Variants in CNNM4 observed in about 807,000 individuals in gnomAD.
CNNM4 encodes the protein metal transporter CNNM4.
Under a neutral mutation model 53.7 loss-of-function variants are expected in CNNM4, and 32 were observed. That is an observed-to-expected ratio of 0.60 (90% CI 0.45 to 0.80). The LOEUF (loss-of-function observed/expected upper bound fraction) is 0.80, where lower values mean the gene tolerates loss of function less well. Ranked by LOEUF, CNNM4 falls within the 30% of genes least tolerant of loss-of-function variation. The pLI, the probability that CNNM4 is intolerant of heterozygous loss-of-function variation, is 0.00. For missense variants in CNNM4, 784 were observed against 1,022.0 expected, an observed-to-expected ratio of 0.77 and a Z score of 3.17; for synonymous variants, 410 against 440.0, an observed-to-expected ratio of 0.93 and a Z score of 0.85.
At chr2:96,764,399 C>G (rs1335597312) in intron 1 of CNNM4, among the ~76,000 whole-genome samples, 2 of 152,184 alleles carry the variant, frequency 1.3e-5, no homozygotes, top group African/African-American at 4.8e-5. Context: ...GAGGCCAAGC[C>G]CTGGAGCAGT....
At chr2:96,774,232 G>A (rs2078903969) in intron 1 of CNNM4, among the ~76,000 whole-genome samples, 1 of 152,124 alleles carries the variant, frequency 6.6e-6, no homozygotes, top group Admixed American at 6.6e-5. Flanking sequence ...GTCCTCTGCT[G>A]CCTCCCAGGT....
In CNNM4 at chr2:96,796,131, C is replaced by CTTTTTTTTTT. The variant is rs796494842; in HGVS notation, c.1403-859_1403-850dup. 1.8e-4 allele frequency among the ~76,000 whole-genome samples: 9 copies of CTTTTTTTTTT among 50,670 alleles called. 1 individual carries two copies. The highest frequency in any genetic ancestry group is 2.6e-4 in the Non-Finnish European group (7 of 26,558). 33.2% of individuals were successfully genotyped at this position (50,670 alleles called of 152,430 possible). On this transcript the variant is annotated intron_variant, in intron 1 of 6. Coordinates refer to ENST00000377075, the MANE Select transcript of CNNM4 (RefSeq NM_020184.4). ...CCTGATAAGTGATACCAGACAGGGTCTTTTTTTTTTTTTTTTTTTTTTTTT... is the reference window on the plus strand; with the variant it reads ...CCTGATAAGTGATACCAGACAGGGTCTTTTTTTTTTTTTTTTTTTTTTTTTTTTTTTTTTT...
chr2:96,799,361 C>G (rs2079137575), intron 4 of CNNM4, 135 bp downstream of exon 4: 2 of 1,319,516 alleles, frequency 1.5e-6, no homozygotes, highest in Admixed American at 3.6e-5. Flanking sequence ...TTGAGCCCCG[C>G]CTGCCCCACG....
Position 96,808,612 on chromosome 2 carries a change from A to T in CNNM4, c.2000A>T (p.Tyr667Phe). 1 of 1,613,868 alleles carries T rather than the reference A, an allele frequency of 6.2e-7. No individual in the cohort carries two copies. The highest frequency in any genetic ancestry group is 8.5e-7 in the Non-Finnish European group (1 of 1,179,956). ...TPLSRSASLSYPDRTDVSTAA... is the reference protein window; with the variant it reads ...TPLSRSASLSFPDRTDVSTAA... The stretch of plus-strand genomic sequence containing the variant: ...CTCAGCCGCTCAGCCTCCCTCAGTT[A>T]CCCAGACCGCACAGACGTCTCAACT... The change falls in exon 6 of 7, where the codon TAC becomes TTC. Residue 667 changes from tyrosine to phenylalanine, a missense_variant. Transcript: ENST00000377075. The surrounding 1 kb of genome is among the most constrained non-coding windows in gnomAD (Gnocchi z 4.9).
At chr2:96,805,197 T>C (rs988089761) in intron 5 of CNNM4, among the ~76,000 whole-genome samples, 1 of 152,000 alleles carries the variant, frequency 6.6e-6, no homozygotes, top group African/African-American at 2.4e-5. Context: ...ATACTTGCAC[T>C]TGATCCTCTA....
intron 5 of CNNM4, among the ~76,000 whole-genome samples, chr2:96,804,554 A>G (rs1231576377): frequency 6.6e-6 from 1 of 151,960 alleles, no homozygotes; most frequent in Non-Finnish European, 1.5e-5. Context: ...GGCATGCACC[A>G]CCACCCTTGG....
intron 1 of CNNM4, among the ~76,000 whole-genome samples, chr2:96,785,341 G>C (rs1323562112): frequency 1.3e-5 from 2 of 152,014 alleles, no homozygotes; most frequent in Non-Finnish European, 2.9e-5. Flanking sequence ...AAAATTTAAA[G>C]AAGTAAAACC....
intron 1 of CNNM4, 35 bp downstream of exon 1, chr2:96,762,436 C>A (rs747955724): frequency 1.3e-6 from 2 of 1,571,024 alleles, no homozygotes; most frequent in Non-Finnish European, 1.8e-6. Context: ...GTTCAATTTC[C>A]TCTTGACGCC....
At chr2:96,772,606 T>G (rs1312863565) in intron 1 of CNNM4, among the ~76,000 whole-genome samples, 1 of 118,898 alleles carries the variant, frequency 8.4e-6, no homozygotes. Context: ...CACTCACACA[T>G]GCGCACACAC....
At position 96,811,617 on chromosome 2, in the gene CNNM4, C is replaced by G. The variant is rs1044960183; in HGVS notation, c.*2100C>G. 2.0e-5 allele frequency: 3 copies of G among 152,638 alleles called. No homozygotes were observed. Among genetic ancestry groups the G allele is most frequent in the Non-Finnish European group, 4.4e-5 (3 of 68,046 alleles). 9.5% of individuals were successfully genotyped at this position (152,638 alleles called of 1,614,324 possible). On this transcript the variant is annotated 3_prime_UTR_variant, in exon 7 of 7. Transcript: ENST00000377075. Reference sequence around the variant, plus strand: ...GGGATGAGCCATACCCTGGAACTGGCCCACCCACTGTGTCTTCCACGTAAG... The same window carrying G: ...GGGATGAGCCATACCCTGGAACTGGGCCACCCACTGTGTCTTCCACGTAAG...
chr2:96,795,591 A>G (rs1280898315), intron 1 of CNNM4, among the ~76,000 whole-genome samples: 3 of 152,114 alleles, frequency 2.0e-5, no homozygotes, highest in Non-Finnish European at 4.4e-5. Flanking sequence ...AGTTCTTAAC[A>G]GCCCATCTTG....
At chr2:96,771,338 G>A (rs1010960272) in intron 1 of CNNM4, among the ~76,000 whole-genome samples, 4 of 138,898 alleles carry the variant, frequency 2.9e-5, no homozygotes, top group African/African-American at 8.1e-5. Flanking sequence ...TTATTTTTCC[G>A]TAGCCATAAA....
intron 1 of CNNM4, among the ~76,000 whole-genome samples, chr2:96,775,005 A>G (rs1057123356): frequency 6.9e-6 from 1 of 144,106 alleles, no homozygotes; most frequent in South Asian, 2.3e-4. Context: ...AAAAGCCAGA[A>G]GATTGGGAGA....
chr2:96,805,461 T>G (rs2079195852), intron 5 of CNNM4, among the ~76,000 whole-genome samples: 1 of 144,032 alleles, frequency 6.9e-6, no homozygotes, highest in Non-Finnish European at 1.5e-5. Context: ...TTAAATTTAT[T>G]TTTTTATTGA....
In CNNM4 at chr2:96,809,343, C is replaced by A; in HGVS notation, c.2154C>A (p.Asn718Lys). Residue 718 changes from asparagine (N) to lysine (K), a missense_variant, in exon 7 of 7, where the codon AAC (asparagine) becomes AAA (lysine). Around this residue, in one of 3 missense-constraint regions of CNNM4, gnomAD observed 307 missense variants for 376.3 expected, o/e 0.82. Transcript: ENST00000377075. The part of the protein sequence containing the change: ...YIKITRQQYQ[N>K]GLLASRMENS... ...AGATCACTCGGCAGCAGTACCAGAACGGGCTGCTGGCTTCTCGCATGGAGA... is the reference window on the plus strand; with the variant it reads ...AGATCACTCGGCAGCAGTACCAGAAAGGGCTGCTGGCTTCTCGCATGGAGA... 1 of 1,614,150 alleles carries A rather than the reference C, an allele frequency of 6.2e-7. No homozygotes were observed.
At chr2:96,806,543 G>A (rs865913808) in intron 5 of CNNM4, among the ~76,000 whole-genome samples, 340 of 139,760 alleles carry the variant, frequency 2.4e-3, no homozygotes, top group African/African-American at 3.9e-3. Flanking sequence ...ACACGCGCGC[G>A]CGCGCGCGCG....
intron 1 of CNNM4, among the ~76,000 whole-genome samples, chr2:96,794,047 C>G (rs2079083460): frequency 6.6e-6 from 1 of 152,128 alleles, no homozygotes; most frequent in Admixed American, 6.6e-5. Flanking sequence ...TTGGTCTGAG[C>G]CTGTGGAGTA....
At chr2:96,786,778 C>CAA (rs978560794) in intron 1 of CNNM4, among the ~76,000 whole-genome samples, 26 of 40,468 alleles carry the variant, frequency 6.4e-4, no homozygotes, top group East Asian at 1.5e-3. Flanking sequence ...GACTCTGTCT[C>CAA]AAAAAAAAAA....
rs182763240 is a variant in CNNM4, at chr2:96,798,949, G to A, written c.1682-108G>A. 19 of 1,146,022 alleles carry A rather than the reference G, an allele frequency of 1.7e-5. No individual in the cohort carries two copies. In the East Asian group the frequency reaches 2.1e-4, roughly 13 times the overall value. The allele number at this position is 1,146,022 out of a possible 1,614,324, so 71.0% of individuals were successfully genotyped here. A position where few individuals can be genotyped will look rare whatever the true frequency, so the allele number is the denominator to read the frequency against. ...GGGCCGGCCGAGCAGGGCGGGAGTC[G>A]TCTGAGCACAGCGTGGCTGCTGTGG... is the stretch of plus-strand genomic sequence containing the variant. On this transcript the variant is annotated intron_variant, in intron 3 of 6. Transcript: ENST00000377075.
Sources: gnomAD v4.1 joint callset for allele counts (sites outside exome capture counted in the v4.1 genomes callset) on GRCh38, gnomAD v4.1.1 for gene constraint, gnomAD v4.1.1 regional missense constraint, Gnocchi (gnomAD v3.1) non-coding constraint, MANE v1.5 for transcripts, NCBI Gene and HGNC (gene_info 2026-07-23, HGNC 2026-07-21) for gene names.